Variants in TSEN2 observed in about 807,000 individuals in gnomAD.
TSEN2 encodes tRNA-splicing endonuclease subunit Sen2.
A neutral mutation model predicts 59.2 loss-of-function variants in TSEN2; 54 were observed. The observed-to-expected ratio is 0.91, with a 90% confidence interval of 0.73 to 1.14. TSEN2 has a LOEUF of 1.14. TSEN2 is among the 50% of genes most tolerant of loss of function. The pLI is 0.00. For missense variants in TSEN2, 636 were observed against 576.2 expected (o/e 1.10, Z -1.06); for synonymous variants, 195 against 198.2 (o/e 0.98, Z 0.14).
chr3:12,538,948 C>G (rs181905468), intron 10 of TSEN2: 1 of 312,646 alleles, frequency 3.2e-6, no homozygotes, highest in African/African-American at 2.3e-5. Flanking sequence ...CTCCATGTGT[C>G]GGGTCAGGCA....
rs149417061 is a variant in TSEN2, at chr3:12,519,198, G to C, written c.1099+1G>C. On this transcript the variant is annotated splice_donor_variant, in intron 8 of 11. Transcript: ENST00000284995. LOFTEE classifies it high-confidence loss of function. ...GGACTCAAGTACGGGACAGATTTAC[G>C]TAAGTAATTCTTGGCGTGGTGTGTG... 3.1e-6 allele frequency: 5 copies of C among 1,614,186 alleles called. No individual in the cohort carries two copies. The highest frequency in any genetic ancestry group is 4.2e-6 in the Non-Finnish European group (5 of 1,180,032).
intron 10 of TSEN2, 122 bp downstream of exon 10, chr3:12,529,995 A>T (rs2057360866): frequency 6.7e-7 from 1 of 1,500,298 alleles, no homozygotes; most frequent in African/African-American, 1.4e-5. Flanking sequence ...CCTGCCAGTG[A>T]CATGCTGGAA....
chr3:12,498,070 C>CT lies in TSEN2; in HGVS notation c.308+1528dup, dbSNP rs74552914. Among the ~76,000 whole-genome samples the CT allele has an allele frequency of 3.6e-3, 515 of 142,294 alleles. 1 individual carries two copies. Among genetic ancestry groups the CT allele is most frequent in the African/African-American group, 8.4e-3 (329 of 39,050 alleles). The allele number at this position is 142,294 out of a possible 152,430, so 93.4% of individuals were successfully genotyped here. ...TGTGTGTCTTTGTCCAAATTTTCCT[C>CT]TTTTTTTTTTTTGCATTAAAAAAAT... On this transcript the variant is annotated intron_variant, in intron 4 of 11. Transcript: ENST00000284995.
Position 12,489,990 on chromosome 3 carries a change from G to A in TSEN2, c.189+1G>A, listed in dbSNP as rs1464709387. The A allele has an allele frequency of 2.5e-6, 4 of 1,614,094 alleles. No individual in the cohort carries two copies. The stretch of plus-strand genomic sequence containing the variant: ...GGACATTGAGCAGCTCTATGGGAAA[G>A]TAAGTGCAGGCAGCCTTGGTAAGAT... On this transcript the variant is annotated splice_donor_variant, in intron 2 of 11. Transcript: ENST00000284995. LOFTEE classifies it high-confidence loss of function.
downstream of TSEN2, among the ~76,000 whole-genome samples, chr3:12,537,979 C>T (rs1359538906): frequency 6.6e-6 from 1 of 151,884 alleles, no homozygotes; most frequent in Non-Finnish European, 1.5e-5. Flanking sequence ...TCATCTTTAC[C>T]CTCTGGGGTT....
Position 12,489,941 on chromosome 3 carries a change from CAAT to C in TSEN2, c.142_144del (p.Asn48del), listed in dbSNP as rs1309938650. 2 of 1,614,198 alleles carry C rather than the reference CAAT, an allele frequency of 1.2e-6. No individual in the cohort carries two copies. Among genetic ancestry groups the C allele is most frequent in the South Asian group, 1.1e-5 (1 of 91,086 alleles). On this transcript the variant is annotated inframe_deletion, in exon 2 of 12. Transcript: ENST00000284995. ...TATTCCGTGCTGAAATGATTAACAA[CAAT>C]GTGATTGTGAGGAATGCGGAGGACA... is the stretch of plus-strand genomic sequence containing the variant.
intron 6 of TSEN2, among the ~76,000 whole-genome samples, chr3:12,512,016 A>G (rs1428503800): frequency 2.0e-5 from 3 of 152,256 alleles, no homozygotes; most frequent in Admixed American, 6.5e-5. Context: ...AGCATGCACT[A>G]TAACACACAA....
upstream of TSEN2, among the ~76,000 whole-genome samples, chr3:12,482,341 G>A (rs928382338): frequency 5.3e-5 from 8 of 152,010 alleles, no homozygotes; most frequent in Admixed American, 3.9e-4. Context: ...GGCTGGTCTC[G>A]AACTCCCAAC....
chr3:12,538,103 A>G (rs1169149461), downstream of TSEN2, among the ~76,000 whole-genome samples: 1 of 152,218 alleles, frequency 6.6e-6, no homozygotes, highest in Non-Finnish European at 1.5e-5. Flanking sequence ...TGTAAATGCA[A>G]ATGTCGCTAT....
chr3:12,490,802 C>A (rs911813475), intron 2 of TSEN2, among the ~76,000 whole-genome samples: 2 of 152,176 alleles, frequency 1.3e-5, no homozygotes, highest in Admixed American at 6.5e-5. Context: ...CGTCTTGTCT[C>A]CATAAATGTG....
chr3:12,517,835 G>T (rs573233382), intron 7 of TSEN2, among the ~76,000 whole-genome samples: 3 of 152,062 alleles, frequency 2.0e-5, no homozygotes, highest in Non-Finnish European at 2.9e-5. Flanking sequence ...AACAACACTG[G>T]GCTGTGTTGG....
At chr3:12,485,660 G>A (rs571992089) in intron 1 of TSEN2, among the ~76,000 whole-genome samples, 1 of 152,178 alleles carries the variant, frequency 6.6e-6, no homozygotes. Flanking sequence ...GGGTAGGTAA[G>A]CTTGAGGGCC....
At chr3:12,519,416 G>A (rs1289383050) in intron 8 of TSEN2, among the ~76,000 whole-genome samples, 1 of 152,228 alleles carries the variant, frequency 6.6e-6, no homozygotes, top group African/African-American at 2.4e-5. Flanking sequence ...TGCAACGCCA[G>A]TTCAGGCTTT....
intron 4 of TSEN2, among the ~76,000 whole-genome samples, chr3:12,497,178 G>A (rs538088393): frequency 1.3e-5 from 2 of 152,206 alleles, no homozygotes; most frequent in South Asian, 2.1e-4. Flanking sequence ...TTAGACTGTC[G>A]GTGCTTGGAG....
chr3:12,507,914 A>G (rs2055011418), intron 6 of TSEN2, among the ~76,000 whole-genome samples: 1 of 152,236 alleles, frequency 6.6e-6, no homozygotes, highest in Non-Finnish European at 1.5e-5. Context: ...GAGGATAGTA[A>G]AGGATAAATG....
At chr3:12,499,109 T>C (rs2054038260) in intron 4 of TSEN2, among the ~76,000 whole-genome samples, 1 of 152,152 alleles carries the variant, frequency 6.6e-6, no homozygotes, top group African/African-American at 2.4e-5. Flanking sequence ...TTATTTCAAG[T>C]CGATTCACTC....
intron 1 of TSEN2, among the ~76,000 whole-genome samples, chr3:12,488,268 T>G (rs1202693859): frequency 6.6e-6 from 1 of 152,182 alleles, no homozygotes; most frequent in Non-Finnish European, 1.5e-5. Flanking sequence ...ATTAGTCTTA[T>G]TTTTTCCCTT....
chr3:12,510,579 T>C (rs2125097355), intron 6 of TSEN2, among the ~76,000 whole-genome samples: 1 of 152,318 alleles, frequency 6.6e-6, no homozygotes, highest in East Asian at 1.9e-4. Context: ...AGCAGCAGTC[T>C]CAGTCAGATC....
intron 7 of TSEN2, among the ~76,000 whole-genome samples, chr3:12,518,550 T>G (rs1254896377): frequency 6.6e-6 from 1 of 152,218 alleles, no homozygotes; most frequent in African/African-American, 2.4e-5. Flanking sequence ...AGAAGGACAG[T>G]GAGAGCCTCA....
Sources: gnomAD v4.1 joint callset for allele counts (sites outside exome capture counted in the v4.1 genomes callset) on GRCh38, gnomAD v4.1.1 for gene constraint, MANE v1.5 for transcripts, NCBI Gene and HGNC (gene_info 2026-07-23, HGNC 2026-07-21) for gene names.